The following GPC6 variants were observed in gnomAD, a reference collection of about 807,000 sequenced individuals.
GPC6 encodes the protein glypican-6.
A neutral mutation model predicts 55.2 loss-of-function variants in GPC6; 14 were observed. The ratio of observed to expected loss-of-function variants is 0.25; its 90% CI spans 0.17 to 0.40. The LOEUF (loss-of-function observed/expected upper bound fraction) is 0.40, where lower values mean the gene tolerates loss of function less well. Ranked by LOEUF, GPC6 falls within the 10% of genes least tolerant of loss-of-function variation. GPC6 has a pLI of 1.00. For synonymous variants in GPC6, 278 were observed against 259.6 expected (o/e 1.07, Z -0.68); for missense variants, 641 against 708.5 (o/e 0.90, Z 1.08).
chr13:93,609,849 G>A (rs2139537674), intron 2 of GPC6, among the ~76,000 whole-genome samples: 1 of 152,222 alleles, frequency 6.6e-6, no homozygotes, highest in South Asian at 2.1e-4. Context: ...AGCTGGTTGT[G>A]GCAGTTCTTT....
At chr13:93,291,975 T>C (rs1878333496) in intron 1 of GPC6, among the ~76,000 whole-genome samples, 1 of 152,206 alleles carries the variant, frequency 6.6e-6, no homozygotes, top group Non-Finnish European at 1.5e-5. Flanking sequence ...GCTGTAAATA[T>C]TTAATGCTAC....
chr13:93,820,544 G>T (rs1245569438), intron 2 of GPC6, among the ~76,000 whole-genome samples: 1 of 151,426 alleles, frequency 6.6e-6, no homozygotes, highest in Non-Finnish European at 1.5e-5. Context: ...CAGGGCCTTT[G>T]ATAGTTTTTG....
intron 1 of GPC6, among the ~76,000 whole-genome samples, chr13:93,435,139 T>G (rs1008900343): frequency 1.3e-5 from 2 of 151,592 alleles, no homozygotes; most frequent in Non-Finnish European, 2.9e-5. Context: ...TTTGGAGACA[T>G]GGTCTCACTC....
At chr13:94,167,994 A>C (rs538906272) in intron 4 of GPC6, among the ~76,000 whole-genome samples, 7 of 152,354 alleles carry the variant, frequency 4.6e-5, no homozygotes, top group African/African-American at 1.7e-4. Context: ...GGTTACACAT[A>C]AAATGCTTAT....
chr13:93,432,271 G>T (rs911910875), intron 1 of GPC6, among the ~76,000 whole-genome samples: 1 of 152,172 alleles, frequency 6.6e-6, no homozygotes, highest in Non-Finnish European at 1.5e-5. Flanking sequence ...ACGAGCAACA[G>T]TGATGAACAG....
At chr13:94,402,920 T>G in intron 8 of GPC6, 95 bp from the exon 9 acceptor site, 1 of 917,430 alleles carries the variant, frequency 1.1e-6, no homozygotes, top group Non-Finnish European at 1.8e-6. Context: ...CAGGTGGGGA[T>G]TATGGGGATT....
intron 2 of GPC6, among the ~76,000 whole-genome samples, chr13:93,604,508 A>T (rs1438237867): frequency 1.3e-5 from 2 of 152,264 alleles, no homozygotes; most frequent in East Asian, 3.9e-4. Context: ...TATTGTCCAA[A>T]TCATAACATT....
At chr13:93,733,029 G>A (rs1483493205) in intron 2 of GPC6, among the ~76,000 whole-genome samples, 1 of 151,930 alleles carries the variant, frequency 6.6e-6, no homozygotes, top group Non-Finnish European at 1.5e-5. Context: ...ATATTGCACA[G>A]GGCAGACTAA....
chr13:93,822,339 G>A (rs1012862563), intron 2 of GPC6, among the ~76,000 whole-genome samples: 3 of 151,978 alleles, frequency 2.0e-5, no homozygotes, highest in African/African-American at 4.8e-5. Flanking sequence ...AGAAGCCCCC[G>A]CTTTTAGGAA....
chr13:94,346,738 AT>A (rs1878312985), intron 6 of GPC6, among the ~76,000 whole-genome samples: 1 of 151,298 alleles, frequency 6.6e-6, no homozygotes, highest in South Asian at 2.1e-4. Flanking sequence ...AAAAAAAAAA[AT>A]TCACTGCAAT....
intron 2 of GPC6, among the ~76,000 whole-genome samples, chr13:93,781,048 C>A (rs552068823): frequency 3.3e-5 from 5 of 151,950 alleles, no homozygotes; most frequent in African/African-American, 1.2e-4. Flanking sequence ...GAGGCTGAGG[C>A]GGGTGGATCA....
At chr13:93,566,977 G>C (rs7334024) in intron 2 of GPC6, among the ~76,000 whole-genome samples, 1 of 151,884 alleles carries the variant, frequency 6.6e-6, no homozygotes, top group Admixed American at 6.6e-5. Context: ...ATGGGCATTT[G>C]GGTTGGTTCC....
intron 2 of GPC6, among the ~76,000 whole-genome samples, chr13:93,689,518 C>G (rs375093963): frequency 2.6e-5 from 4 of 151,958 alleles, no homozygotes; most frequent in East Asian, 3.9e-4. Context: ...AAATGTATGG[C>G]ATTTTAATAG....
intron 2 of GPC6, among the ~76,000 whole-genome samples, chr13:93,630,837 C>T (rs1879396058): frequency 6.6e-6 from 1 of 151,604 alleles, no homozygotes; most frequent in Non-Finnish European, 1.5e-5. Flanking sequence ...TTGTGTGTTC[C>T]CCCAAAATAT....
At chr13:94,143,548 A>G (rs1887456939) in intron 4 of GPC6, among the ~76,000 whole-genome samples, 1 of 151,978 alleles carries the variant, frequency 6.6e-6, no homozygotes, top group South Asian at 2.1e-4. Context: ...CAGAAAATGC[A>G]GAAAGATGCC....
chr13:93,584,194 A>T (rs1463138471), intron 2 of GPC6, among the ~76,000 whole-genome samples: 3 of 152,216 alleles, frequency 2.0e-5, no homozygotes, highest in African/African-American at 7.2e-5. Flanking sequence ...AGCATCGAAG[A>T]AACATAGATC....
chr13:94,002,657 T>G (rs1468413386), intron 3 of GPC6, among the ~76,000 whole-genome samples: 1 of 152,174 alleles, frequency 6.6e-6, no homozygotes, highest in East Asian at 1.9e-4. Context: ...TGAATTATGT[T>G]GACAGTTCCA....
At chr13:93,317,992 G>A (rs911144300) in intron 1 of GPC6, among the ~76,000 whole-genome samples, 23 of 152,210 alleles carry the variant, frequency 1.5e-4, no homozygotes, top group Admixed American at 5.2e-4. Context: ...CTCTTGTCCC[G>A]TCAAACATAC....
At chr13:93,497,635 G>T (rs1880355265) in intron 1 of GPC6, among the ~76,000 whole-genome samples, 1 of 152,204 alleles carries the variant, frequency 6.6e-6, no homozygotes, top group South Asian at 2.1e-4. Flanking sequence ...ACACAATGTT[G>T]ATATAGTTTG....
Sources: gnomAD v4.1 joint callset for allele counts (sites outside exome capture counted in the v4.1 genomes callset) on GRCh38, gnomAD v4.1.1 for gene constraint, MANE v1.5 for transcripts, NCBI Gene and HGNC (gene_info 2026-07-23, HGNC 2026-07-21) for gene names.